The following LCOR variants were observed in gnomAD, a reference collection of about 807,000 sequenced individuals.
The protein encoded by LCOR is ligand dependent nuclear receptor corepressor, also known as ligand-dependent corepressor.
Under a neutral mutation model 64.4 loss-of-function variants are expected in LCOR, and 14 were observed. The observed-to-expected ratio is 0.22, with a 90% CI of 0.14 to 0.34. LCOR has a LOEUF of 0.34. LCOR is among the 10% of genes least tolerant of loss of function. LCOR has a pLI of 1.00. For missense variants in LCOR, 1,686 were observed against 1,765.3 expected, an observed-to-expected ratio of 0.96 and a Z score of 0.80; for synonymous variants, 643 against 642.5, an observed-to-expected ratio of 1.00 and a Z score of -0.01.
chr10:96,983,944 T>C lies in LCOR; in HGVS notation c.3484T>C (p.Leu1162=), dbSNP rs1033189996. The part of the protein sequence containing the change: ...KKRSRKCRSS[L]ESQKCSPVQM... ...AAGGTCACGGAAATGTAGGAGTTCA[T>C]TGGAGAGTCAGAAGTGTTCTCCTGT... The change falls in exon 8 of 8, where the codon TTG becomes CTG. Residue 1162 remains leucine (L), a synonymous_variant. Coordinates refer to ENST00000421806, the MANE Select transcript of LCOR (RefSeq NM_001346516.2). This position sits in a 1 kb window ranked among gnomAD's most constrained non-coding sequence, Gnocchi z 4.5. 7.4e-6 allele frequency: 12 copies of C among 1,614,248 alleles called. No homozygotes were observed. Among genetic ancestry groups the C allele is most frequent in the East Asian group, 2.2e-5 (1 of 44,888 alleles).
intron 4 of LCOR, among the ~76,000 whole-genome samples, chr10:96,926,455 G>A (rs1371120114): frequency 6.6e-6 from 1 of 151,998 alleles, no homozygotes; most frequent in African/African-American, 2.4e-5. Context: ...CAAATAACAA[G>A]CAAAAATCAT....
chr10:96,852,511 G>A (rs576914670), intron 2 of LCOR, among the ~76,000 whole-genome samples: 1 of 152,190 alleles, frequency 6.6e-6, no homozygotes, highest in East Asian at 1.9e-4. Context: ...TTAGACTTGT[G>A]TGCCATCCCC....
At chr10:96,977,015 C>G (rs1166878960) in intron 7 of LCOR, among the ~76,000 whole-genome samples, 2 of 152,084 alleles carry the variant, frequency 1.3e-5, no homozygotes, top group Non-Finnish European at 2.9e-5. Flanking sequence ...TTGTGTATTG[C>G]CAAAACGCAC....
intron 2 of LCOR, among the ~76,000 whole-genome samples, chr10:96,884,398 T>C (rs1382716535): frequency 6.6e-6 from 1 of 152,232 alleles, no homozygotes; most frequent in Admixed American, 6.5e-5. Context: ...TGGATTCTTT[T>C]GCAGGGCATA....
rs568711516 is a variant in LCOR, at chr10:96,982,385, G to C, written c.1925G>C (p.Ser642Thr). The C allele has an allele frequency of 6.2e-7, 1 of 1,614,216 alleles. No homozygotes were observed. The highest frequency in any genetic ancestry group is 8.5e-7 in the Non-Finnish European group (1 of 1,180,040). Reference sequence around the variant, plus strand: ...TCCACAGTCTCAGCTCCCACAGCAAGTGGGATGTCTTCTCCTGAACACAAC... The same window carrying C: ...TCCACAGTCTCAGCTCCCACAGCAACTGGGATGTCTTCTCCTGAACACAAC... ...GGSTVSAPTA[S>T]GMSSPEHNQP... The change falls in exon 8 of 8, where the codon AGT (serine) becomes ACT (threonine). Residue 642 changes from serine to threonine, a missense_variant. Ser to Thr is a moderately conservative substitution (Grantham distance 58). This residue lies in a region of LCOR where 1,293 missense variants were observed against 1,410.4 expected (regional missense o/e 0.92). Transcript: ENST00000421806.
At chr10:96,918,055 G>C (rs1846985901) in intron 4 of LCOR, among the ~76,000 whole-genome samples, 4 of 152,176 alleles carry the variant, frequency 2.6e-5, no homozygotes, top group African/African-American at 9.7e-5. Context: ...AGATATATTG[G>C]AGAGGGTTTC....
At chr10:96,919,486 A>G (rs1162441883) in intron 4 of LCOR, among the ~76,000 whole-genome samples, 5 of 151,712 alleles carry the variant, frequency 3.3e-5, no homozygotes, top group Admixed American at 3.3e-4. Context: ...CATGGATTGT[A>G]TCTTTTTATT....
At chr10:96,950,569 C>T (rs1307975200) in intron 6 of LCOR, among the ~76,000 whole-genome samples, 2 of 152,036 alleles carry the variant, frequency 1.3e-5, no homozygotes, top group African/African-American at 4.8e-5. Context: ...AATGATACCA[C>T]TTAATCTAAT....
chr10:96,867,884 A>AT (rs903272314), intron 2 of LCOR, among the ~76,000 whole-genome samples: 2 of 151,174 alleles, frequency 1.3e-5, no homozygotes, highest in East Asian at 1.9e-4. Context: ...GAATATATTA[A>AT]TTTTTTTTTC....
At chr10:96,952,452 T>A (rs1232037492) in intron 7 of LCOR, among the ~76,000 whole-genome samples, 1 of 152,216 alleles carries the variant, frequency 6.6e-6, no homozygotes, top group Non-Finnish European at 1.5e-5. Flanking sequence ...TTGTGGCATG[T>A]TTTGGAGTGT....
At chr10:96,870,431 C>A (rs1400848054) in intron 2 of LCOR, among the ~76,000 whole-genome samples, 1 of 152,142 alleles carries the variant, frequency 6.6e-6, no homozygotes, top group African/African-American at 2.4e-5. Flanking sequence ...TAAAATCTCC[C>A]AAAGTCCGTA....
chr10:96,989,952 C>A lies in LCOR; in HGVS notation c.*4818C>A, dbSNP rs895082711. The A allele has an allele frequency of 2.0e-5, 3 of 151,606 alleles. No homozygotes were observed. Among genetic ancestry groups the A allele is most frequent in the Non-Finnish European group, 4.4e-5 (3 of 67,910 alleles). 9.4% of individuals were successfully genotyped at this position (151,606 alleles called of 1,614,324 possible). ...GTTTTAGTTGTTTTGAAACAATTAT[C>A]ATTTTGAATTCTTAGTATTACTTTG... On this transcript the variant is annotated 3_prime_UTR_variant, in exon 8 of 8. Coordinates refer to ENST00000421806, the MANE Select transcript of LCOR (RefSeq NM_001346516.2).
intron 2 of LCOR, among the ~76,000 whole-genome samples, chr10:96,896,060 C>T (rs1356611099): frequency 6.6e-6 from 1 of 152,054 alleles, no homozygotes; most frequent in East Asian, 1.9e-4. Flanking sequence ...CCAGCCTGGG[C>T]AACAGAAAGA....
intron 7 of LCOR, chr10:96,957,984 A>T: frequency 1.0e-6 from 1 of 990,476 alleles, no homozygotes; most frequent in Non-Finnish European, 1.2e-6. Flanking sequence ...TTCCTTATGA[A>T]ATATATGGTT....
intron 4 of LCOR, among the ~76,000 whole-genome samples, chr10:96,933,399 A>G (rs1847296247): frequency 1.3e-5 from 2 of 152,360 alleles, no homozygotes; most frequent in South Asian, 4.1e-4. Context: ...GTGGCTTATA[A>G]ATTTTTATTG....
At chr10:96,913,371 G>A (rs1046642298) in intron 4 of LCOR, among the ~76,000 whole-genome samples, 6 of 152,084 alleles carry the variant, frequency 3.9e-5, no homozygotes, top group Non-Finnish European at 7.4e-5. Context: ...TGAGAGGGTC[G>A]GGGAGAGATG....
intron 2 of LCOR, among the ~76,000 whole-genome samples, chr10:96,834,303 C>A (rs961826045): frequency 2.6e-4 from 39 of 152,154 alleles, no homozygotes; most frequent in African/African-American, 9.2e-4. Flanking sequence ...AGGCATGAGT[C>A]AGTTTTTTGG....
chr10:96,985,205 G>T lies in LCOR; in HGVS notation c.*71G>T. On this transcript the variant is annotated 3_prime_UTR_variant, in exon 8 of 8. Transcript: ENST00000421806. Reference sequence around the variant, plus strand: ...CTTTTATTTTGCATTAACTAAATCTGCTTTTATAAGCTTATCAAGCCTTTC... The same window carrying T: ...CTTTTATTTTGCATTAACTAAATCTTCTTTTATAAGCTTATCAAGCCTTTC... 6.8e-7 allele frequency: 1 copy of T among 1,468,012 alleles called. No individual in the cohort carries two copies. The highest frequency in any genetic ancestry group is 9.0e-7 in the Non-Finnish European group (1 of 1,108,682). 90.9% of individuals were successfully genotyped at this position (1,468,012 alleles called of 1,614,324 possible). A position where few individuals can be genotyped will look rare whatever the true frequency, so the allele number is the denominator to read the frequency against.
intron 2 of LCOR, among the ~76,000 whole-genome samples, chr10:96,877,872 A>C (rs903900738): frequency 6.6e-6 from 1 of 152,066 alleles, no homozygotes; most frequent in Non-Finnish European, 1.5e-5. Flanking sequence ...CGGCCTCCCA[A>C]AGTGTTGGGA....
Sources: gnomAD v4.1 joint callset for allele counts (sites outside exome capture counted in the v4.1 genomes callset) on GRCh38, gnomAD v4.1.1 for gene constraint, gnomAD v4.1.1 regional missense constraint, Gnocchi (gnomAD v3.1) non-coding constraint, MANE v1.5 for transcripts, NCBI Gene and HGNC (gene_info 2026-07-23, HGNC 2026-07-21) for gene names.